CRYL1: variants seen among roughly 807,000 people sequenced by gnomAD.
CRYL1 encodes crystallin lambda 1, also known as lambda-crystallin homolog.
Under a neutral mutation model 36.6 loss-of-function variants are expected in CRYL1, and 29 were observed. The ratio of observed to expected loss-of-function variants is 0.79; its 90% CI spans 0.59 to 1.08. The LOEUF (loss-of-function observed/expected upper bound fraction) is 1.08, where lower values mean the gene tolerates loss of function less well. Ranked by LOEUF, CRYL1 falls within the 50% of genes least tolerant of loss-of-function variation. The pLI, the probability that CRYL1 is intolerant of heterozygous loss-of-function variation, is 0.00. For missense variants in CRYL1, 411 were observed against 407.9 expected, an observed-to-expected ratio of 1.01 and a Z score of -0.06; for synonymous variants, 152 against 151.5, an observed-to-expected ratio of 1.00 and a Z score of -0.02.
chr13:20,504,450 C>T (rs140225660), intron 2 of CRYL1, among the ~76,000 whole-genome samples: 15 of 151,876 alleles, frequency 9.9e-5, no homozygotes, highest in African/African-American at 3.4e-4. Flanking sequence ...ATTACAGGCA[C>T]CCACCATCAC....
chr13:20,450,593 A>C (rs1001513392), intron 3 of CRYL1, among the ~76,000 whole-genome samples: 8 of 152,206 alleles, frequency 5.3e-5, no homozygotes, highest in African/African-American at 1.9e-4. Flanking sequence ...GGAAATAGGA[A>C]CACTTTTACA....
chr13:20,497,843 A>G (rs1027044402), intron 2 of CRYL1, among the ~76,000 whole-genome samples: 1 of 151,786 alleles, frequency 6.6e-6, no homozygotes, highest in East Asian at 1.9e-4. Flanking sequence ...CATACACCAC[A>G]TACACACAAC....
chr13:20,475,337 G>A (rs2033144719), intron 3 of CRYL1, among the ~76,000 whole-genome samples: 1 of 152,220 alleles, frequency 6.6e-6, no homozygotes, highest in African/African-American at 2.4e-5. Flanking sequence ...GCTCTGGGGT[G>A]AGATCTTTAT....
At chr13:20,446,252 T>C (rs2032453027) in intron 3 of CRYL1, among the ~76,000 whole-genome samples, 1 of 152,176 alleles carries the variant, frequency 6.6e-6, no homozygotes, top group Non-Finnish European at 1.5e-5. Flanking sequence ...GCTAGGATTA[T>C]AGGCCTGTGC....
At chr13:20,434,620 C>A (rs554657758) in intron 4 of CRYL1, among the ~76,000 whole-genome samples, 307 of 144,862 alleles carry the variant, frequency 2.1e-3, no homozygotes, top group Non-Finnish European at 3.6e-3. Context: ...CCCACCCACA[C>A]CCCTACACCC....
chr13:20,430,640 C>T (rs1025873784), intron 5 of CRYL1: 31 of 985,160 alleles, frequency 3.1e-5, no homozygotes, highest in South Asian at 2.8e-4. Context: ...ACCTCCCACC[C>T]GATCCCCTTA....
intron 6 of CRYL1, among the ~76,000 whole-genome samples, chr13:20,408,526 G>A (rs563426201): frequency 1.3e-5 from 2 of 152,310 alleles, no homozygotes; most frequent in South Asian, 4.1e-4. Flanking sequence ...CGAGTCTAAA[G>A]CTTAGCAAAG....
Position 20,481,596 on chromosome 13 carries a change from G to T in CRYL1, c.276+7774C>A, listed in dbSNP as rs1331819749. Among the ~76,000 whole-genome samples, 1 of 152,052 alleles carries T rather than the reference G, an allele frequency of 6.6e-6. No individual in the cohort carries two copies. The highest frequency in any genetic ancestry group is 1.5e-5 in the Non-Finnish European group (1 of 68,024). On this transcript the variant is annotated intron_variant, in intron 3 of 7. Transcript: ENST00000298248. This position sits in a 1 kb window ranked among gnomAD's most constrained non-coding sequence, Gnocchi z 4.1. The stretch of plus-strand genomic sequence containing the variant: ...ATGGAAATTATATCTTTGTAAACCT[G>T]ATTTTACAGTTTTTAAAGAAAAAAA...
At chr13:20,493,166 A>G (rs979630697) in intron 2 of CRYL1, among the ~76,000 whole-genome samples, 2 of 152,158 alleles carry the variant, frequency 1.3e-5, no homozygotes, top group African/African-American at 4.8e-5. Flanking sequence ...GCTGTCAAGC[A>G]CCCCTTGGAA....
chr13:20,485,470 C>A (rs1035461033), intron 3 of CRYL1, among the ~76,000 whole-genome samples: 2 of 151,910 alleles, frequency 1.3e-5, no homozygotes, highest in Admixed American at 1.3e-4. Context: ...AGAGAGCAGC[C>A]GGGCCAACAT....
chr13:20,458,248 A>G (rs116930301), intron 3 of CRYL1, among the ~76,000 whole-genome samples: 6,226 of 152,330 alleles, frequency 0.041, 193 homozygotes, highest in Middle Eastern at 0.085. Context: ...ACGTTTAAAA[A>G]TAAATGTGCT....
intron 1 of CRYL1, among the ~76,000 whole-genome samples, chr13:20,524,960 TTGC>T (rs1439666918): frequency 6.7e-6 from 1 of 148,376 alleles, no homozygotes; most frequent in Non-Finnish European, 1.5e-5. Context: ...TGTTTATAGA[TTGC>T]TGCTAACAGC....
intron 3 of CRYL1, among the ~76,000 whole-genome samples, chr13:20,446,414 A>G (rs1223880181): frequency 1.9e-4 from 29 of 152,204 alleles, no homozygotes; most frequent in Admixed American, 1.8e-3. Context: ...ACCTGGCTAA[A>G]AATTATATAG....
intron 5 of CRYL1, among the ~76,000 whole-genome samples, chr13:20,420,731 G>T (rs1187840484): frequency 3.0e-4 from 28 of 93,180 alleles, no homozygotes; most frequent in East Asian, 9.2e-4. Flanking sequence ...GTGTGTGTGT[G>T]TGTGTGTGTG....
Position 20,525,785 on chromosome 13 carries a change from A to C in CRYL1, c.10T>G (p.Ser4Ala). 1 of 1,283,002 alleles carries C rather than the reference A, an allele frequency of 7.8e-7. No individual in the cohort carries two copies. The highest frequency in any genetic ancestry group is 9.9e-7 in the Non-Finnish European group (1 of 1,013,748). 79.5% of individuals were successfully genotyped at this position (1,283,002 alleles called of 1,614,324 possible). A position where few individuals can be genotyped will look rare whatever the true frequency, so the allele number is the denominator to read the frequency against. Reference sequence around the variant, plus strand: ...ACGATCACCACGCAGCCGGCCGCGGAGGACGCCATGGTTGGGCCGGGGACG... The same window carrying C: ...ACGATCACCACGCAGCCGGCCGCGGCGGACGCCATGGTTGGGCCGGGGACG... MAS[S>A]AAGCVVIVGS... The change falls in exon 1 of 8, where the codon TCC (serine) becomes GCC (alanine). Residue 4 changes from serine (S) to alanine (A), a missense_variant. Coordinates refer to ENST00000298248, the MANE Select transcript of CRYL1 (RefSeq NM_015974.3). The surrounding 1 kb of genome is among the most constrained non-coding windows in gnomAD (Gnocchi z 4.3).
At chr13:20,452,646 T>G (rs1439699220) in intron 3 of CRYL1, among the ~76,000 whole-genome samples, 1 of 152,176 alleles carries the variant, frequency 6.6e-6, no homozygotes, top group Admixed American at 6.5e-5. Context: ...CAATATACAT[T>G]TGTCAAAACC....
chr13:20,457,879 G>T (rs1416303122), intron 3 of CRYL1, among the ~76,000 whole-genome samples: 5 of 152,156 alleles, frequency 3.3e-5, no homozygotes, highest in African/African-American at 1.2e-4. Context: ...GGGTGAAACG[G>T]AAGCACAGAG....
intron 1 of CRYL1, among the ~76,000 whole-genome samples, chr13:20,516,480 G>T (rs2033999887): frequency 6.6e-6 from 1 of 151,112 alleles, no homozygotes; most frequent in Admixed American, 6.6e-5. Flanking sequence ...AATATCAAAA[G>T]ATAATCTTTT....
At chr13:20,420,566 T>A (rs2031776658) in intron 5 of CRYL1, among the ~76,000 whole-genome samples, 2 of 151,238 alleles carry the variant, frequency 1.3e-5, no homozygotes, top group South Asian at 4.2e-4. Flanking sequence ...ATAAAGCCAT[T>A]AAGAATGAAT....
Sources: gnomAD v4.1 joint callset for allele counts (sites outside exome capture counted in the v4.1 genomes callset) on GRCh38, gnomAD v4.1.1 for gene constraint, Gnocchi (gnomAD v3.1) non-coding constraint, MANE v1.5 for transcripts, NCBI Gene and HGNC (gene_info 2026-07-23, HGNC 2026-07-21) for gene names.